Variants in TSPAN11 observed in about 807,000 individuals in gnomAD.
TSPAN11 encodes the protein tetraspanin-11.
In TSPAN11, 29 loss-of-function variants were observed where a neutral mutation model predicts 32.9. The ratio of observed to expected loss-of-function variants is 0.88; its 90% confidence interval spans 0.66 to 1.20. The LOEUF is 1.20. Ranked by LOEUF, TSPAN11 falls within the 50% of genes most tolerant of loss-of-function variation. The pLI, the probability that TSPAN11 is intolerant of heterozygous loss-of-function variation, is 0.00. For missense variants in TSPAN11, 283 were observed against 329.1 expected (o/e 0.86, Z 1.08); for synonymous variants, 140 against 141.3 (o/e 0.99, Z 0.07).
intron 1 of TSPAN11, 185 bp downstream of exon 1, chr12:30,926,981 G>C (rs1481831637): frequency 7.8e-7 from 1 of 1,282,252 alleles, no homozygotes; most frequent in Admixed American, 2.3e-5. Context: ...GGAATGCCTG[G>C]GACACTCGCG....
chr12:30,926,774 C>T lies in TSPAN11; in HGVS notation c.-34C>T. 6.0e-6 allele frequency: 2 copies of T among 334,352 alleles called. No homozygotes were observed. Among genetic ancestry groups the T allele is most frequent in the Non-Finnish European group, 1.0e-5 (2 of 190,772 alleles). 20.7% of individuals were successfully genotyped at this position (334,352 alleles called of 1,614,324 possible). On this transcript the variant is annotated 5_prime_UTR_variant, in exon 1 of 8. Coordinates refer to ENST00000546076, the MANE Select transcript of TSPAN11 (RefSeq NM_001370302.1). ...GTCTCTCTAGGCGCAGCTCCCTTCG[C>T]CGCTTCCGGAGCCCCTGGCAGGGTA...
At chr12:30,998,655 C>A (rs1939447878), downstream of TSPAN11, among the ~76,000 whole-genome samples, 1 of 152,090 alleles carries the variant, frequency 6.6e-6, no homozygotes, top group South Asian at 2.1e-4. Context: ...GGGAATCCAG[C>A]CCTTTCCATC....
rs183073757 is a variant in TSPAN11 at position 30,983,100 on chromosome 12, G to A, written c.652G>A (p.Asp218Asn). 4.9e-5 allele frequency: 79 copies of A among 1,613,222 alleles called. No individual in the cohort carries two copies. In the East Asian group the frequency reaches 1.3e-3, roughly 26 times the overall value. The change falls in exon 7 of 8, where the codon GAC becomes AAC. Residue 218 changes from aspartate (D) to asparagine (N), a missense_variant. Coordinates refer to ENST00000546076, the MANE Select transcript of TSPAN11 (RefSeq NM_001370302.1). ...CACCAAGCTGGAGCAGTTCCTGGCC[G>A]ACCACCTGCTGCTTATGGGGGCAGT... is the stretch of plus-strand genomic sequence containing the variant. The part of the protein sequence containing the change: ...CLTKLEQFLA[D>N]HLLLMGAVGI...
At chr12:30,953,861 G>GCC (rs1404821541) in intron 1 of TSPAN11, 120 bp from the exon 2 acceptor site, 1 of 671,648 alleles carries the variant, frequency 1.5e-6, no homozygotes, top group Non-Finnish European at 2.5e-6. Flanking sequence ...GAGCCTCAAA[G>GCC]CCCCCGGCAG....
At chr12:30,974,165 G>A (rs755919852) in intron 3 of TSPAN11, among the ~76,000 whole-genome samples, 11 of 152,340 alleles carry the variant, frequency 7.2e-5, no homozygotes, top group South Asian at 2.1e-4. Flanking sequence ...CCAGCTCTTC[G>A]GGAGCTAGGT....
At chr12:30,976,080 C>G (rs1210623461) in intron 3 of TSPAN11, among the ~76,000 whole-genome samples, 1 of 152,156 alleles carries the variant, frequency 6.6e-6, no homozygotes. Context: ...ATGCCTCACC[C>G]TGGGTGGGGT....
rs956208951 is a variant in TSPAN11 at position 30,993,085 on chromosome 12, G to A, written c.*1170G>A. 2.0e-5 allele frequency: 3 copies of A among 152,008 alleles called. No homozygotes were observed. Among genetic ancestry groups the A allele is most frequent in the African/African-American group, 7.3e-5 (3 of 41,300 alleles). The allele number at this position is 152,008 out of a possible 1,614,324, so 9.4% of individuals were successfully genotyped here. Reference sequence around the variant, plus strand: ...CTAGAAAATACAGAGTATCCATGCTGGCAGCTTTTTGTACAACACCCATAG... The same window carrying A: ...CTAGAAAATACAGAGTATCCATGCTAGCAGCTTTTTGTACAACACCCATAG... On this transcript the variant is annotated 3_prime_UTR_variant, in exon 8 of 8. Transcript: ENST00000546076.
chr12:30,979,516 A>C (rs1939044187), intron 4 of TSPAN11, 50 bp from the exon 5 acceptor site: 1 of 1,565,096 alleles, frequency 6.4e-7, no homozygotes. Context: ...GTGCCAGGGC[A>C]GGGGTGGGGC....
intron 3 of TSPAN11, among the ~76,000 whole-genome samples, chr12:30,970,995 C>T (rs1419002867): frequency 2.0e-5 from 3 of 152,198 alleles, no homozygotes; most frequent in Admixed American, 6.5e-5. Flanking sequence ...CTGACCCTCC[C>T]TCCGGCTTCC....
At chr12:31,005,079 G>A in the TSPAN11 span, among the ~76,000 whole-genome samples, 1 of 152,222 alleles carries the variant, frequency 6.6e-6, no homozygotes, top group African/African-American at 2.4e-5. Flanking sequence ...GGGTTGCATA[G>A]TGATTTGTCC....
At chr12:30,932,531 C>T (rs919070311) in intron 1 of TSPAN11, among the ~76,000 whole-genome samples, 1 of 152,146 alleles carries the variant, frequency 6.6e-6, no homozygotes, top group African/African-American at 2.4e-5. Context: ...TAGGTCTCTG[C>T]GACTGTGCTG....
intron 1 of TSPAN11, among the ~76,000 whole-genome samples, chr12:30,929,531 C>T (rs367983025): frequency 6.6e-6 from 1 of 152,270 alleles, no homozygotes; most frequent in South Asian, 2.1e-4. Context: ...ACAAGCTGTG[C>T]GCAGATATTT....
In TSPAN11 at chr12:30,975,481, C is replaced by T. The variant is rs899200389; in HGVS notation, c.277-3080C>T. 3.3e-5 allele frequency among the ~76,000 whole-genome samples: 5 copies of T among 152,112 alleles called. No homozygotes were observed. Among genetic ancestry groups the T allele is most frequent in the Admixed American group, 1.3e-4 (2 of 15,284 alleles). ...ACACTGGAGCTCGAGAAGGCTATCC[C>T]CACACACCACCGCCACTGCCAAGCT... On this transcript the variant is annotated intron_variant, in intron 3 of 7. Coordinates refer to ENST00000546076, the MANE Select transcript of TSPAN11 (RefSeq NM_001370302.1). This position sits in a 1 kb window ranked among gnomAD's most constrained non-coding sequence, Gnocchi z 4.5.
intron 1 of TSPAN11, among the ~76,000 whole-genome samples, chr12:30,942,827 G>A (rs140321143): frequency 6.6e-6 from 1 of 152,162 alleles, no homozygotes; most frequent in African/African-American, 2.4e-5. Flanking sequence ...GTTTTAATTC[G>A]AGTTCTACTG....
Position 30,933,878 on chromosome 12 carries a change from C to T in TSPAN11, c.-12+7082C>T, listed in dbSNP as rs184004208. On this transcript the variant is annotated intron_variant, in intron 1 of 7. Transcript: ENST00000546076. ...TTGATTTGAGGCCTAGAATGCTTCC[C>T]ATGTCCTCTAGACAGCCATGAGGAG... Among the ~76,000 whole-genome samples the T allele has an allele frequency of 1.6e-4, 24 of 152,260 alleles. 1 individual carries two copies. The highest frequency in any genetic ancestry group is 1.5e-3 in the East Asian group (8 of 5,178).
chr12:30,930,333 C>T (rs923631584), intron 1 of TSPAN11, among the ~76,000 whole-genome samples: 4 of 152,128 alleles, frequency 2.6e-5, no homozygotes, highest in Non-Finnish European at 5.9e-5. Flanking sequence ...AAACTCATTC[C>T]CAGGAAGGGA....
chr12:30,966,165 A>G (rs1938728892), intron 3 of TSPAN11, among the ~76,000 whole-genome samples: 1 of 152,038 alleles, frequency 6.6e-6, no homozygotes, highest in Non-Finnish European at 1.5e-5. Flanking sequence ...AGAGCCAAAG[A>G]CTAGGGCTCC....
intron 2 of TSPAN11, among the ~76,000 whole-genome samples, chr12:30,962,244 TG>T (rs1248106050): frequency 6.7e-6 from 1 of 150,150 alleles, no homozygotes; most frequent in East Asian, 1.9e-4. Flanking sequence ...CTCTTCCACC[TG>T]GTGGAGGTGC....
chr12:30,962,903 T>C (rs922744594), intron 2 of TSPAN11, among the ~76,000 whole-genome samples: 5 of 152,174 alleles, frequency 3.3e-5, no homozygotes, highest in African/African-American at 1.2e-4. Flanking sequence ...GAAGATGCTG[T>C]GCATGTGTGC....
Sources: gnomAD v4.1 joint callset for allele counts (sites outside exome capture counted in the v4.1 genomes callset) on GRCh38, gnomAD v4.1.1 for gene constraint, Gnocchi (gnomAD v3.1) non-coding constraint, MANE v1.5 for transcripts, NCBI Gene and HGNC (gene_info 2026-07-23, HGNC 2026-07-21) for gene names.